CIAO3: variants seen among roughly 807,000 people sequenced by gnomAD.
The protein encoded by CIAO3 is cytosolic iron-sulfur assembly component 3.
In CIAO3, 45 loss-of-function variants were observed where a neutral mutation model predicts 51.5. The observed-to-expected ratio is 0.87, with a 90% confidence interval of 0.69 to 1.12. The LOEUF (loss-of-function observed/expected upper bound fraction) is 1.12. CIAO3 is among the 50% of genes most tolerant of loss of function. The probability of loss-of-function intolerance (pLI) is 0.00; values close to 1 mark genes in which losing one functional copy is unlikely to be tolerated. For missense variants in CIAO3, 668 were observed against 632.5 expected, an observed-to-expected ratio of 1.06 and a Z score of -0.60; for synonymous variants, 314 against 269.3, an observed-to-expected ratio of 1.17 and a Z score of -1.63.
In CIAO3 at chr16:730,652, C is replaced by A; in HGVS notation, c.1196G>T (p.Cys399Phe). ...YVEVMACPSG[C>F]LNGGGQLQAP... Reference sequence around the variant, plus strand: ...CTGGAGCTGGCCCCCGCCGTTCAGGCAGCCTATGGGAGAGCAGACGGGACA... The same window carrying A: ...CTGGAGCTGGCCCCCGCCGTTCAGGAAGCCTATGGGAGAGCAGACGGGACA... Residue 399 changes from cysteine to phenylalanine, a missense_variant, in exon 11 of 11, where the codon TGC becomes TTC. Transcript: ENST00000251588. 3.7e-6 allele frequency: 6 copies of A among 1,608,770 alleles called. No individual in the cohort carries two copies. Among genetic ancestry groups the A allele is most frequent in the Non-Finnish European group, 5.1e-6 (6 of 1,179,842 alleles).
At chr16:733,458 A>C (rs1367898310) in intron 6 of CIAO3, 31 bp from the exon 7 acceptor site, 1 of 1,612,662 alleles carries the variant, frequency 6.2e-7, no homozygotes, top group Non-Finnish European at 8.5e-7. Context: ...TTGTCTCCCC[A>C]ATCCCAGCAG....
At position 733,354 on chromosome 16, in the gene CIAO3, G is replaced by C; in HGVS notation, c.767C>G (p.Pro256Arg). The change falls in exon 7 of 11, where the codon CCC becomes CGC. Residue 256 changes from proline (P) to arginine (R), a missense_variant. Coordinates refer to ENST00000251588, the MANE Select transcript of CIAO3 (RefSeq NM_022493.3). ...CYDKKLEASR[P>R]DFFNQEHQTR... Reference sequence around the variant, plus strand: ...CTGGTGCTCCTGGTTGAAAAAGTCGGGTCTGGAGGCTTCCAGCTTTTTGTC... The same window carrying C: ...CTGGTGCTCCTGGTTGAAAAAGTCGCGTCTGGAGGCTTCCAGCTTTTTGTC... The C allele has an allele frequency of 1.2e-6, 2 of 1,613,878 alleles. No individual in the cohort carries two copies. The highest frequency in any genetic ancestry group is 2.7e-5 in the African/African-American group (2 of 75,062).
At chr16:731,856 A>T in intron 8 of CIAO3, 154 bp from the exon 9 acceptor site, 2 of 1,025,320 alleles carry the variant, frequency 2.0e-6, no homozygotes, top group Non-Finnish European at 2.7e-6. Flanking sequence ...CAGCCATCAC[A>T]GGGGCCCAGC....
intron 9 of CIAO3, chr16:731,295 C>T: frequency 1.6e-6 from 1 of 609,272 alleles, no homozygotes; most frequent in South Asian, 2.2e-5. Flanking sequence ...GTGCCTGCGC[C>T]AGGCACCCAT....
chr16:736,574 G>C (rs1346195114), intron 3 of CIAO3, among the ~76,000 whole-genome samples, 176 bp from the exon 4 acceptor site: 1 of 151,806 alleles, frequency 6.6e-6, no homozygotes, highest in Non-Finnish European at 1.5e-5. Context: ...GAGTGCAGTG[G>C]TGCGATCGGA....
intron 4 of CIAO3, 49 bp from the exon 5 acceptor site, chr16:734,920 A>G (rs9932304): frequency 0.53 from 788,388 of 1,497,958 alleles, 216,403 homozygotes; most frequent in East Asian, 0.84. Flanking sequence ...GGACGCCCAC[A>G]CGAGCACACG....
chr16:732,575 T>C (rs766633985), intron 7 of CIAO3: 1 of 678,626 alleles, frequency 1.5e-6, no homozygotes, highest in South Asian at 1.5e-5. Context: ...CCCAGGGAGG[T>C]GTGCCAGCGG....
At position 739,723 on chromosome 16, in the gene CIAO3, C is replaced by G; in HGVS notation, c.82G>C (p.Val28Leu). 6.2e-7 allele frequency: 1 copy of G among 1,614,030 alleles called. No homozygotes were observed. Among genetic ancestry groups the G allele is most frequent in the East Asian group, 2.2e-5 (1 of 44,886 alleles). Residue 28 changes from valine (V) to leucine (L), a missense_variant, in exon 2 of 11, where the codon GTC becomes CTC. Coordinates refer to ENST00000251588, the MANE Select transcript of CIAO3 (RefSeq NM_022493.3). ...IGPSQECIKPVKVEKRAGSGV... is the reference protein window; with the variant it reads ...IGPSQECIKPLKVEKRAGSGV... ...CTTCCCGCCCTTTTTTCCACTTTGA[C>G]AGGCTTGATGCACTCCTAGAGCAGG...
At position 740,951 on chromosome 16, in the gene CIAO3, G is replaced by A. The variant is rs1441459409; in HGVS notation, c.35C>T (p.Thr12Met). The change falls in exon 1 of 11, where the codon ACG (threonine) becomes ATG (methionine). Residue 12 changes from threonine (T) to methionine (M), a missense_variant. Thr to Met is a moderately conservative substitution (Grantham distance 81, BLOSUM62 -1). Coordinates refer to ENST00000251588, the MANE Select transcript of CIAO3 (RefSeq NM_022493.3). ...ASPFSGALQL[T>M]DLDDFIGPSQ... ...CGGCCCGATGAAGTCATCCAGGTCCGTCAGCTGCAGCGCCCCGCTGAAGGG... is the reference window on the plus strand; with the variant it reads ...CGGCCCGATGAAGTCATCCAGGTCCATCAGCTGCAGCGCCCCGCTGAAGGG... The A allele has an allele frequency of 2.0e-6, 3 of 1,520,164 alleles. No homozygotes were observed. Among genetic ancestry groups the A allele is most frequent in the Non-Finnish European group, 1.8e-6 (2 of 1,137,890 alleles). The allele number at this position is 1,520,164 out of a possible 1,614,324, so 94.2% of individuals were successfully genotyped here. A position where few individuals can be genotyped will look rare whatever the true frequency, so the allele number is the denominator to read the frequency against.
In CIAO3 at chr16:729,992, C is replaced by G. The variant is rs192160993; in HGVS notation, c.*425G>C. The G allele has an allele frequency of 2.9e-6, 1 of 342,380 alleles. No homozygotes were observed. The highest frequency in any genetic ancestry group is 8.5e-5 in the East Asian group (1 of 11,814). 21.2% of individuals were successfully genotyped at this position (342,380 alleles called of 1,614,324 possible). On this transcript the variant is annotated 3_prime_UTR_variant, in exon 11 of 11. Transcript: ENST00000251588. ...ACCCCTGCAGGTCCAGCTCTGTCTC[C>G]CACCTTTTGCACAGAGCTTCAAGGG...
chr16:730,887 C>T lies in CIAO3; in HGVS notation c.1148G>A (p.Gly383Glu). ...CTCCACGTAGTGGTAGGGGCAGCGC[C>T]CTCGTTTGAGCCTCTGCACCAGGTT... The part of the protein sequence containing the change: ...IQNLVQRLKR[G>E]RCPYHYVEVM... The change falls in exon 10 of 11, where the codon GGG becomes GAG. Residue 383 changes from glycine (G) to glutamate (E), a missense_variant. By Grantham distance (98) the Gly-to-Glu change is moderately conservative. Coordinates refer to ENST00000251588, the MANE Select transcript of CIAO3 (RefSeq NM_022493.3). The T allele has an allele frequency of 6.2e-7, 1 of 1,612,898 alleles. No homozygotes were observed. The highest frequency in any genetic ancestry group is 8.5e-7 in the Non-Finnish European group (1 of 1,180,000).
Position 737,255 on chromosome 16 carries a change from G to A in CIAO3, c.237C>T (p.Thr79=), listed in dbSNP as rs144257047. The A allele has an allele frequency of 1.9e-3, 3,108 of 1,613,608 alleles. 20 individuals are homozygous for A. Among genetic ancestry groups the A allele is most frequent in the Non-Finnish European group, 1.6e-3 (1,935 of 1,180,022 alleles). ...NDCLACSGCI[T]SAETVLITQQ... is the part of the protein sequence containing the mutation. The stretch of plus-strand genomic sequence containing the variant: ...GGGTGATAAGCACGGTCTCTGCGGA[G>A]GTGATGCAGCCGCTGCACGCCAGGC... Residue 79 remains threonine, a synonymous_variant, in exon 3 of 11, where the codon ACC becomes ACT. Transcript: ENST00000251588. This position sits in a 1 kb window ranked among gnomAD's most constrained non-coding sequence, Gnocchi z 5.3.
chr16:739,573 G>C (rs1488262283), intron 2 of CIAO3, 70 bp downstream of exon 2: 9 of 1,460,298 alleles, frequency 6.2e-6, no homozygotes, highest in Non-Finnish European at 8.6e-6. Context: ...TCTGTGACGG[G>C]AGGAAGCAGA....
In CIAO3 at chr16:730,292, C is replaced by T; in HGVS notation, c.*125G>A. On this transcript the variant is annotated 3_prime_UTR_variant, in exon 11 of 11. Coordinates refer to ENST00000251588, the MANE Select transcript of CIAO3 (RefSeq NM_022493.3). ...TGCGGGTCCTGGCTAGTCCTAGCTC[C>T]TACTCGGGTCCCAGCACACCCTGCA... 2.0e-6 allele frequency: 2 copies of T among 986,380 alleles called. No individual in the cohort carries two copies. Among genetic ancestry groups the T allele is most frequent in the Non-Finnish European group, 3.0e-6 (2 of 656,210 alleles). 61.1% of individuals were successfully genotyped at this position (986,380 alleles called of 1,614,324 possible).
chr16:731,471 A>G, intron 9 of CIAO3, 94 bp downstream of exon 9: 3 of 1,421,740 alleles, frequency 2.1e-6, no homozygotes, highest in Non-Finnish European at 2.8e-6. Context: ...CACCCAGCCC[A>G]CCTCTGTGGG....
chr16:736,947 A>G, intron 3 of CIAO3: 1 of 536,896 alleles, frequency 1.9e-6, no homozygotes, highest in Non-Finnish European at 3.3e-6. Context: ...GACAGGCGTG[A>G]GCCCCCGCGC....
At chr16:739,768 CCT>C in intron 1 of CIAO3, 30 bp from the exon 2 acceptor site, 4 of 1,604,952 alleles carry the variant, frequency 2.5e-6, no homozygotes, top group Middle Eastern at 1.7e-4. Context: ...CAAATCAGCC[CCT>C]GTGAGTGGGC....
Position 736,349 on chromosome 16 carries a change from T to C in CIAO3, c.356A>G (p.Gln119Arg). The stretch of plus-strand genomic sequence containing the variant: ...CCGTGCAGCCAGCGATGCTCTAGAC[T>C]GTGGTGAGACCGAAACTACAACCAG... Reference protein sequence around the residue: ...QRLVVVSVSPQSRASLAARFQ... With the variant: ...QRLVVVSVSPRSRASLAARFQ... The change falls in exon 4 of 11, where the codon CAG (glutamine) becomes CGG (arginine). Residue 119 changes from glutamine (Q) to arginine (R), a missense_variant. Gln to Arg is a conservative substitution (Grantham distance 43). Coordinates refer to ENST00000251588, the MANE Select transcript of CIAO3 (RefSeq NM_022493.3). 1 of 1,613,070 alleles carries C rather than the reference T, an allele frequency of 6.2e-7. No individual in the cohort carries two copies. Among genetic ancestry groups the C allele is most frequent in the African/African-American group, 1.3e-5 (1 of 75,020 alleles).
At chr16:734,190 C>A (rs746000897) in intron 6 of CIAO3, 39 bp downstream of exon 6, 1 of 1,574,242 alleles carries the variant, frequency 6.4e-7, no homozygotes, top group Non-Finnish European at 8.7e-7. Flanking sequence ...CTTCTGGCCG[C>A]TCCCCAGCCT....
Sources: gnomAD v4.1 joint callset for allele counts (sites outside exome capture counted in the v4.1 genomes callset) on GRCh38, gnomAD v4.1.1 for gene constraint, Gnocchi (gnomAD v3.1) non-coding constraint, MANE v1.5 for transcripts, NCBI Gene and HGNC (gene_info 2026-07-23, HGNC 2026-07-21) for gene names.